Variants in LRP1B observed in about 807,000 individuals in gnomAD.
LRP1B encodes the protein LDL receptor related protein 1B.
A neutral mutation model predicts 556.6 loss-of-function variants in LRP1B; 217 were observed. The observed-to-expected ratio is 0.39, with a 90% CI of 0.35 to 0.44. The LOEUF (loss-of-function observed/expected upper bound fraction) is 0.44, where lower values mean the gene tolerates loss of function less well. Ranked by LOEUF, LRP1B falls within the 20% of genes least tolerant of loss-of-function variation. The pLI, the probability that LRP1B is intolerant of heterozygous loss-of-function variation, is 1.00. For synonymous variants in LRP1B, 2,047 were observed against 1,865.8 expected (o/e 1.10, Z -2.50); for missense variants, 5,053 against 5,620.8 (o/e 0.90, Z 3.23).
intron 3 of LRP1B, among the ~76,000 whole-genome samples, chr2:141,343,243 A>G (rs577038817): frequency 6.6e-6 from 1 of 152,272 alleles, no homozygotes; most frequent in African/African-American, 2.4e-5. Context: ...TAGAAGTTCT[A>G]TTTAGGTCTT....
intron 55 of LRP1B, among the ~76,000 whole-genome samples, chr2:140,499,649 T>C (rs1689095936): frequency 6.6e-6 from 1 of 151,960 alleles, no homozygotes; most frequent in Non-Finnish European, 1.5e-5. Flanking sequence ...CTATATTGAA[T>C]GCTGTAGGCA....
intron 1 of LRP1B, among the ~76,000 whole-genome samples, chr2:142,114,213 G>T (rs539333869): frequency 9.9e-5 from 15 of 152,162 alleles, no homozygotes; most frequent in African/African-American, 3.4e-4. Context: ...CCCTAAAAAT[G>T]ATCAATATGC....
chr2:140,291,709 T>C (rs1046380594), intron 84 of LRP1B, among the ~76,000 whole-genome samples: 1 of 152,114 alleles, frequency 6.6e-6, no homozygotes, highest in East Asian at 1.9e-4. Context: ...CAGTCTATCA[T>C]TGTTGGTCAT....
intron 23 of LRP1B, among the ~76,000 whole-genome samples, chr2:140,902,499 C>T (rs570195512): frequency 2.0e-5 from 3 of 152,190 alleles, no homozygotes; most frequent in South Asian, 4.1e-4. Flanking sequence ...CCTAGAGAAT[C>T]CGCAGAATGT....
chr2:141,541,969 T>C (rs111641392), intron 2 of LRP1B, among the ~76,000 whole-genome samples: 91 of 152,178 alleles, frequency 6.0e-4, no homozygotes, highest in African/African-American at 2.1e-3. Flanking sequence ...GCAGGCATCA[T>C]GGCAAATTTC....
At chr2:141,177,332 T>C (rs1369379019) in intron 7 of LRP1B, among the ~76,000 whole-genome samples, 1 of 152,102 alleles carries the variant, frequency 6.6e-6, no homozygotes. Context: ...AGTGTTACCT[T>C]AACTAATGCT....
Position 140,516,885 on chromosome 2 carries a change from T to A in LRP1B, c.8149+4A>T. Reference sequence around the variant, plus strand: ...CAAAAACTAAGCTAAATACAATGTCTCACCACAGTGGAATTCATCACGTCC... The same window carrying A: ...CAAAAACTAAGCTAAATACAATGTCACACCACAGTGGAATTCATCACGTCC... On this transcript the variant is annotated splice_donor_region_variant and intron_variant, in intron 50 of 90. Transcript: ENST00000389484. 1.2e-6 allele frequency: 2 copies of A among 1,613,182 alleles called. No individual in the cohort carries two copies. The highest frequency in any genetic ancestry group is 2.7e-5 in the African/African-American group (2 of 75,000).
At chr2:140,527,616 C>A (rs1217961986) in intron 47 of LRP1B, among the ~76,000 whole-genome samples, 2 of 151,746 alleles carry the variant, frequency 1.3e-5, no homozygotes, top group African/African-American at 2.4e-5. Context: ...AAAATGATAA[C>A]ACAACATGTG....
At chr2:140,924,842 G>A (rs1694841454) in intron 20 of LRP1B, among the ~76,000 whole-genome samples, 1 of 152,028 alleles carries the variant, frequency 6.6e-6, no homozygotes, top group Non-Finnish European at 1.5e-5. Flanking sequence ...AGATGGTAAA[G>A]TCTGTGCACA....
chr2:141,186,399 G>T (rs1183697903), intron 7 of LRP1B, among the ~76,000 whole-genome samples: 1 of 151,894 alleles, frequency 6.6e-6, no homozygotes, highest in Admixed American at 6.6e-5. Flanking sequence ...AAATGTAGAA[G>T]ATAAAGGAAA....
intron 18 of LRP1B, among the ~76,000 whole-genome samples, chr2:140,975,166 G>A (rs549922286): frequency 6.2e-4 from 94 of 152,242 alleles, no homozygotes; most frequent in African/African-American, 1.2e-3. Flanking sequence ...GCAACTTAAG[G>A]CTATGAGATA....
chr2:140,964,282 C>T (rs865775970), intron 18 of LRP1B, among the ~76,000 whole-genome samples: 6 of 152,110 alleles, frequency 3.9e-5, no homozygotes, highest in South Asian at 4.1e-4. Flanking sequence ...GGACTAGGAG[C>T]GTGACCACTG....
chr2:141,064,836 A>T lies in LRP1B; in HGVS notation c.1014-2563T>A, dbSNP rs2105472899. Among the ~76,000 whole-genome samples, 3 of 152,046 alleles carry T rather than the reference A, an allele frequency of 2.0e-5. No homozygotes were observed. In the South Asian group the frequency reaches 6.2e-4, roughly 32 times the overall value. ...ACAAGCTAACATTTTTAAATATTTA[A>T]AATTCAACTATGTCATTTGTAATAT... On this transcript the variant is annotated intron_variant, in intron 7 of 90. Coordinates refer to ENST00000389484, the MANE Select transcript of LRP1B (RefSeq NM_018557.3).
intron 2 of LRP1B, among the ~76,000 whole-genome samples, chr2:141,804,456 C>CA (rs1395627373): frequency 6.6e-6 from 1 of 151,994 alleles, no homozygotes; most frequent in Non-Finnish European, 1.5e-5. Context: ...CACCTGCCCC[C>CA]AAATAATTTC....
At chr2:140,702,045 G>A in intron 39 of LRP1B, 96 bp downstream of exon 39, 1 of 1,442,800 alleles carries the variant, frequency 6.9e-7, no homozygotes, top group South Asian at 1.3e-5. Context: ...GTTCCTTTTT[G>A]TGACCTTGCT....
intron 2 of LRP1B, among the ~76,000 whole-genome samples, chr2:141,612,727 G>C (rs912185537): frequency 3.3e-5 from 5 of 152,218 alleles, no homozygotes; most frequent in African/African-American, 1.2e-4. Flanking sequence ...GTTCAACCCA[G>C]TAAATTCCCT....
chr2:141,843,056 C>A (rs1197707517), intron 1 of LRP1B, among the ~76,000 whole-genome samples: 1 of 151,946 alleles, frequency 6.6e-6, no homozygotes, highest in Non-Finnish European at 1.5e-5. Flanking sequence ...AACCTAGAGA[C>A]CTTTTAGTAG....
At chr2:140,383,546 A>G (rs1683629885) in intron 67 of LRP1B, among the ~76,000 whole-genome samples, 1 of 152,104 alleles carries the variant, frequency 6.6e-6, no homozygotes, top group Non-Finnish European at 1.5e-5. Flanking sequence ...GCCTATTCAA[A>G]ATAGTATCTT....
At chr2:140,474,828 T>C (rs1285695674) in intron 60 of LRP1B, among the ~76,000 whole-genome samples, 1 of 151,900 alleles carries the variant, frequency 6.6e-6, no homozygotes, top group African/African-American at 2.4e-5. Context: ...TACAAGCAAA[T>C]AACCTTCTAT....
Sources: allele counts gnomAD v4.1 joint callset (sites outside exome capture counted in the v4.1 genomes callset), GRCh38; gene constraint gnomAD v4.1.1; transcripts MANE v1.5; gene names NCBI Gene and HGNC (gene_info 2026-07-23, HGNC 2026-07-21).